The following SLC19A1 variants were observed in gnomAD, a reference collection of about 807,000 sequenced individuals.
SLC19A1 encodes reduced folate transporter.
A neutral mutation model predicts 35.3 loss-of-function variants in SLC19A1; 37 were observed. That is an observed-to-expected ratio of 1.05 (90% CI 0.81 to 1.38). The LOEUF (loss-of-function observed/expected upper bound fraction) is 1.38, where lower values mean the gene tolerates loss of function less well. SLC19A1 is among the 40% of genes most tolerant of loss of function. The probability of loss-of-function intolerance (pLI) is 0.00; values close to 1 mark genes in which losing one functional copy is unlikely to be tolerated. For synonymous variants in SLC19A1, 460 were observed against 398.5 expected (o/e 1.15, Z -1.84); for missense variants, 831 against 826.9 (o/e 1.00, Z -0.06).
downstream of SLC19A1, chr21:45,510,033 C>T (rs752041812): frequency 9.1e-6 from 14 of 1,538,318 alleles, no homozygotes; most frequent in Non-Finnish European, 1.2e-5. Flanking sequence ...CAGCGTGGGA[C>T]ACAGCCCGTG....
intron 4 of SLC19A1, among the ~76,000 whole-genome samples, chr21:45,527,191 G>C (rs2077653092): frequency 6.7e-6 from 1 of 150,332 alleles, no homozygotes; most frequent in Non-Finnish European, 1.5e-5. Flanking sequence ...GAGGTGAGTA[G>C]CAGCTGGGTA....
At chr21:45,509,367 GGCC>G (rs1199563875), downstream of SLC19A1, 1 of 1,545,348 alleles carries the variant, frequency 6.5e-7, no homozygotes, top group Non-Finnish European at 8.7e-7. Context: ...ACAATGAAGT[GGCC>G]GCCTTGCAGC....
chr21:45,555,151 A>C (rs891373056), intron 1 of SLC19A1, among the ~76,000 whole-genome samples: 1 of 58,938 alleles, frequency 1.7e-5, no homozygotes, highest in African/African-American at 7.6e-5. Flanking sequence ...GGGGCGGTGC[A>C]GGGGGCGGCG....
intron 1 of SLC19A1, among the ~76,000 whole-genome samples, chr21:45,560,110 G>C (rs2078600646): frequency 6.6e-6 from 1 of 151,784 alleles, no homozygotes. Flanking sequence ...GCATAGGGGA[G>C]CCCTGGGGTC....
chr21:45,510,205 C>G, downstream of SLC19A1: 2 of 1,603,986 alleles, frequency 1.2e-6, no homozygotes, highest in South Asian at 1.1e-5. Context: ...CCTGCAGGAC[C>G]TGTACAGCAT....
Position 45,534,573 on chromosome 21 carries a change from C to T in SLC19A1, c.190-2425G>A. 6.5e-7 allele frequency: 1 copy of T among 1,535,734 alleles called. No individual in the cohort carries two copies. Among genetic ancestry groups the T allele is most frequent in the South Asian group, 1.2e-5 (1 of 84,060 alleles). ...ATGGAGCATGCCTCATTTCCTCTTC[C>T]ACCAGGAGCTGGCTCTGCAGGCTGG... On this transcript the variant is annotated intron_variant, in intron 2 of 5. Transcript: ENST00000311124. This position sits in a 1 kb window ranked among gnomAD's most constrained non-coding sequence, Gnocchi z 4.2.
At chr21:45,547,676 T>A (rs1256472687), upstream of SLC19A1, among the ~76,000 whole-genome samples, 1 of 152,210 alleles carries the variant, frequency 6.6e-6, no homozygotes, top group Non-Finnish European at 1.5e-5. Context: ...GTCCCACCTT[T>A]CCACACCAGA....
intron 1 of SLC19A1, 63 bp from the exon 2 acceptor site, chr21:45,538,071 A>C: frequency 2.1e-6 from 2 of 941,022 alleles, no homozygotes; most frequent in Non-Finnish European, 3.0e-6. Context: ...CTACCCCGCA[A>C]AACGAGGCCC....
rs1013614033 is a variant in SLC19A1, at chr21:45,514,788, G to C, written c.*870C>G. The C allele has an allele frequency of 1.9e-6, 1 of 524,282 alleles. No homozygotes were observed. Among genetic ancestry groups the C allele is most frequent in the Middle Eastern group, 4.8e-4 (1 of 2,088 alleles). 32.5% of individuals were successfully genotyped at this position (524,282 alleles called of 1,614,324 possible). ...CAGATGGTCCCGCACCTGTGGGCAA[G>C]GCACTAGCGCTCCTTAGACCCTGAG... is the stretch of plus-strand genomic sequence containing the variant. On this transcript the variant is annotated 3_prime_UTR_variant, in exon 6 of 6. Transcript: ENST00000311124.
chr21:45,511,655 T>C (rs2037614863), downstream of SLC19A1, among the ~76,000 whole-genome samples: 2 of 152,030 alleles, frequency 1.3e-5, no homozygotes, highest in Non-Finnish European at 2.9e-5. Context: ...TCGTCCCAAA[T>C]GTCGCTGTGC....
At chr21:45,505,107 G>A in intron 3 of SLC19A1, 1 of 1,603,732 alleles carries the variant, frequency 6.2e-7, no homozygotes, top group Non-Finnish European at 8.5e-7. Flanking sequence ...GAGGTAACCA[G>A]GAAGCGTCTC....
rs899511998 is a variant in SLC19A1, at chr21:45,540,162, C to A, written c.-49-2154G>T. Among the ~76,000 whole-genome samples the A allele has an allele frequency of 6.6e-6, 1 of 152,126 alleles. No individual in the cohort carries two copies. The highest frequency in any genetic ancestry group is 1.5e-5 in the Non-Finnish European group (1 of 68,022). On this transcript the variant is annotated intron_variant, in intron 1 of 5. Coordinates refer to ENST00000311124, the MANE Select transcript of SLC19A1 (RefSeq NM_194255.4). The surrounding 1 kb of genome is among the most constrained non-coding windows in gnomAD (Gnocchi z 5.5). ...ATGCCCAGAGAGGCCACGGGTAGAGCTGGACATACCTCAGACCGCACCCAC... is the reference window on the plus strand; with the variant it reads ...ATGCCCAGAGAGGCCACGGGTAGAGATGGACATACCTCAGACCGCACCCAC...
rs1431636563 is a variant in SLC19A1, at chr21:45,513,451, C to A, written c.*2207G>T. ...GGGACTGAAGGGGAACCCCGGGGTGCCCACAGGCCGCCCTGCGGGTGAACA... is the reference window on the plus strand; with the variant it reads ...GGGACTGAAGGGGAACCCCGGGGTGACCACAGGCCGCCCTGCGGGTGAACA... On this transcript the variant is annotated 3_prime_UTR_variant, in exon 6 of 6. Coordinates refer to ENST00000311124, the MANE Select transcript of SLC19A1 (RefSeq NM_194255.4). 2 of 152,218 alleles carry A rather than the reference C, an allele frequency of 1.3e-5. No homozygotes were observed. Among genetic ancestry groups the A allele is most frequent in the African/African-American group, 4.8e-5 (2 of 41,446 alleles). 9.4% of individuals were successfully genotyped at this position (152,218 alleles called of 1,614,324 possible).
downstream of SLC19A1, among the ~76,000 whole-genome samples, chr21:45,511,478 C>A (rs981940784): frequency 3.3e-5 from 5 of 152,110 alleles, no homozygotes; most frequent in Non-Finnish European, 7.4e-5. Flanking sequence ...CTGCTCATGG[C>A]GGATAGACTC....
chr21:45,530,641 C>T lies in SLC19A1; in HGVS notation c.1151+129G>A. ...GGCAAGTGGGGACCCTGGTCAGCTC[C>T]AGGTGGCTGGCGGGGCCAGCAGTGG... On this transcript the variant is annotated intron_variant, in intron 4 of 5. Transcript: ENST00000311124. The surrounding 1 kb of genome is among the most constrained non-coding windows in gnomAD (Gnocchi z 5.3). 5.2e-6 allele frequency: 5 copies of T among 957,344 alleles called. No individual in the cohort carries two copies. The highest frequency in any genetic ancestry group is 3.3e-4 in the Middle Eastern group (1 of 3,076). 59.3% of individuals were successfully genotyped at this position (957,344 alleles called of 1,614,324 possible).
rs953158247 is a variant in SLC19A1 at position 45,530,309 on chromosome 21, T to C, written c.1151+461A>G. On this transcript the variant is annotated intron_variant, in intron 4 of 5. Coordinates refer to ENST00000311124, the MANE Select transcript of SLC19A1 (RefSeq NM_194255.4). The surrounding 1 kb of genome is among the most constrained non-coding windows in gnomAD (Gnocchi z 5.3). The stretch of plus-strand genomic sequence containing the variant: ...TGTCCATGTGTGCACGTGTGGTATG[T>C]GTTCATGAGTGTGTGGTGAGTGTCC... 2.0e-5 allele frequency among the ~76,000 whole-genome samples: 3 copies of C among 150,798 alleles called. No individual in the cohort carries two copies. The highest frequency in any genetic ancestry group is 4.4e-5 in the Non-Finnish European group (3 of 67,694).
downstream of SLC19A1, among the ~76,000 whole-genome samples, chr21:45,508,010 T>A (rs1602635459): frequency 6.7e-6 from 1 of 150,360 alleles, no homozygotes; most frequent in South Asian, 2.1e-4. Flanking sequence ...GATGGATGGA[T>A]GGGTGGATGG....
intron 5 of SLC19A1, among the ~76,000 whole-genome samples, chr21:45,516,634 C>G (rs1476156788): frequency 6.6e-6 from 1 of 152,234 alleles, no homozygotes; most frequent in Non-Finnish European, 1.5e-5. Context: ...GCAGCGGAAG[C>G]TGTGCTACGA....
chr21:45,520,521 T>C lies in SLC19A1; in HGVS notation c.1294-4381A>G, dbSNP rs137897945. On this transcript the variant is annotated intron_variant, in intron 5 of 5. Transcript: ENST00000311124. ...GCAGTATACAAGATAAACACACAAA[T>C]ATATCAACTACATTTCTATACACTA... 6.6e-4 allele frequency among the ~76,000 whole-genome samples: 101 copies of C among 152,308 alleles called. 1 individual carries two copies. The highest frequency in any genetic ancestry group is 2.3e-3 in the African/African-American group (96 of 41,544).
Sources: gnomAD v4.1 joint callset for allele counts (sites outside exome capture counted in the v4.1 genomes callset) on GRCh38, gnomAD v4.1.1 for gene constraint, Gnocchi (gnomAD v3.1) non-coding constraint, MANE v1.5 for transcripts, NCBI Gene and HGNC (gene_info 2026-07-23, HGNC 2026-07-21) for gene names.